RBFOX1: variants seen among roughly 807,000 people sequenced by gnomAD.
RBFOX1 encodes RNA binding protein fox-1 homolog 1.
RBFOX1 carries 8 observed loss-of-function variants against 57.7 expected under a neutral mutation model. That is an observed-to-expected ratio of 0.14 (90% CI 0.08 to 0.25). The LOEUF (loss-of-function observed/expected upper bound fraction) is 0.25, where lower values mean the gene tolerates loss of function less well. Ranked by LOEUF, RBFOX1 falls within the 10% of genes least tolerant of loss-of-function variation. The probability of loss-of-function intolerance (pLI) is 1.00; values close to 1 mark genes in which losing one functional copy is unlikely to be tolerated. For missense variants in RBFOX1, 611 were observed against 548.5 expected (o/e 1.11, Z -1.14); for synonymous variants, 326 against 222.4 (o/e 1.47, Z -4.15).
At chr16:5,825,534 A>G (rs1011692405) in intron 3 of RBFOX1, among the ~76,000 whole-genome samples, 5 of 152,226 alleles carry the variant, frequency 3.3e-5, no homozygotes, top group African/African-American at 1.2e-4. Flanking sequence ...AAATTATAGC[A>G]TCTTTTCTCA....
At chr16:7,603,793 G>A (rs1012974328) in intron 9 of RBFOX1, among the ~76,000 whole-genome samples, 1 of 152,176 alleles carries the variant, frequency 6.6e-6, no homozygotes, top group Non-Finnish European at 1.5e-5. Context: ...AGTGTGTGCT[G>A]ATTGACTAAG....
At chr16:6,159,201 C>T (rs12448114) in intron 1 of RBFOX1, among the ~76,000 whole-genome samples, 5 of 152,128 alleles carry the variant, frequency 3.3e-5, no homozygotes, top group African/African-American at 7.2e-5. Flanking sequence ...CTCGGCCTCC[C>T]GAGTAGATGG....
chr16:6,322,105 T>C (rs2081876486), intron 2 of RBFOX1, among the ~76,000 whole-genome samples: 1 of 152,174 alleles, frequency 6.6e-6, no homozygotes, highest in Non-Finnish European at 1.5e-5. Flanking sequence ...TAAGTGAGTG[T>C]TTTATCTGTA....
At chr16:6,254,411 A>G (rs540576421) in intron 1 of RBFOX1, among the ~76,000 whole-genome samples, 186 of 152,334 alleles carry the variant, frequency 1.2e-3, no homozygotes, top group Non-Finnish European at 1.9e-3. Flanking sequence ...AGCTTTCTGG[A>G]TAATTAAAAG....
At chr16:7,349,336 C>T (rs1172645799) in intron 4 of RBFOX1, among the ~76,000 whole-genome samples, 2 of 152,144 alleles carry the variant, frequency 1.3e-5, no homozygotes, top group Non-Finnish European at 2.9e-5. Context: ...GGCGCAAGAT[C>T]GGTTTTCAAT....
At chr16:7,467,208 TA>T (rs1190058197) in intron 4 of RBFOX1, among the ~76,000 whole-genome samples, 1 of 152,142 alleles carries the variant, frequency 6.6e-6, no homozygotes, top group Non-Finnish European at 1.5e-5. Flanking sequence ...AATTCTGAGT[TA>T]AGCATAATGA....
chr16:7,376,249 C>T (rs1347911805), intron 4 of RBFOX1, among the ~76,000 whole-genome samples: 5 of 152,154 alleles, frequency 3.3e-5, no homozygotes, highest in Non-Finnish European at 5.9e-5. Flanking sequence ...ATAAACAGGG[C>T]ATTATATTGC....
chr16:6,721,613 G>A (rs2066006525), intron 3 of RBFOX1, among the ~76,000 whole-genome samples: 1 of 152,018 alleles, frequency 6.6e-6, no homozygotes, highest in African/African-American at 2.4e-5. Context: ...TCCAGCTCCT[G>A]GCAACCACCA....
intron 2 of RBFOX1, among the ~76,000 whole-genome samples, chr16:5,585,796 G>C (rs116780654): frequency 6.6e-6 from 1 of 152,204 alleles, no homozygotes; most frequent in Non-Finnish European, 1.5e-5. Context: ...CAGATCCTTG[G>C]TCTTCACTGC....
At chr16:5,780,532 A>G (rs752786332) in intron 3 of RBFOX1, among the ~76,000 whole-genome samples, 16 of 152,176 alleles carry the variant, frequency 1.1e-4, no homozygotes, top group Non-Finnish European at 2.2e-4. Flanking sequence ...GTATTTGTCA[A>G]TTTAAACAAT....
intron 2 of RBFOX1, among the ~76,000 whole-genome samples, chr16:6,514,545 C>G (rs914847712): frequency 6.6e-6 from 1 of 152,146 alleles, no homozygotes; most frequent in African/African-American, 2.4e-5. Flanking sequence ...TGTAAATGTG[C>G]TCTAGCAGTT....
intron 1 of RBFOX1, chr16:5,240,123 G>A (rs2333767): frequency 4.1e-6 from 6 of 1,455,566 alleles, no homozygotes; most frequent in African/African-American, 1.4e-5. Flanking sequence ...ACGCGGGCGC[G>A]GGGGTCCGGG....
chr16:6,850,762 A>T (rs1008042315), intron 3 of RBFOX1, among the ~76,000 whole-genome samples: 9 of 152,232 alleles, frequency 5.9e-5, no homozygotes, highest in African/African-American at 1.4e-4. Context: ...AGATCACTCA[A>T]ATATTGCTGG....
In RBFOX1 at chr16:6,074,105, C is replaced by T. The variant is rs112742593; in HGVS notation, c.-127+54113C>T. ...CTGGGACTATAGGCGCCCGCCACCA[C>T]GCCTGGCTAATTTTTTGTAGTTTTA... On this transcript the variant is annotated intron_variant, in intron 1 of 15. Transcript: ENST00000550418. Among the ~76,000 whole-genome samples, 291 of 152,204 alleles carry T rather than the reference C, an allele frequency of 1.9e-3. 1 individual carries two copies. The highest frequency in any genetic ancestry group is 6.4e-3 in the African/African-American group (267 of 41,538).
intron 3 of RBFOX1, among the ~76,000 whole-genome samples, chr16:5,640,685 C>T (rs895877045): frequency 3.3e-5 from 5 of 151,762 alleles, no homozygotes; most frequent in African/African-American, 7.3e-5. Context: ...CACACAAGCA[C>T]ACCATGGATA....
chr16:7,700,841 G>A (rs1254954660), intron 14 of RBFOX1, among the ~76,000 whole-genome samples: 2 of 152,170 alleles, frequency 1.3e-5, no homozygotes, highest in Admixed American at 6.5e-5. Flanking sequence ...AGAATAGGAA[G>A]AGGTTTTGAA....
At chr16:5,541,143 C>T (rs1034189820) in intron 2 of RBFOX1, among the ~76,000 whole-genome samples, 1 of 152,078 alleles carries the variant, frequency 6.6e-6, no homozygotes, top group Non-Finnish European at 1.5e-5. Flanking sequence ...AGCCTCCATG[C>T]CTGGCCTGAA....
At chr16:7,410,704 CA>C (rs536164800) in intron 4 of RBFOX1, among the ~76,000 whole-genome samples, 127 of 151,960 alleles carry the variant, frequency 8.4e-4, no homozygotes, top group South Asian at 3.8e-3. Flanking sequence ...AACAAAAAAA[CA>C]AACTGAGGTC....
At chr16:6,356,412 T>C (rs1004682881) in intron 2 of RBFOX1, among the ~76,000 whole-genome samples, 1 of 152,200 alleles carries the variant, frequency 6.6e-6, no homozygotes, top group Non-Finnish European at 1.5e-5. Flanking sequence ...CCCTCCAGCC[T>C]GGGCAACAGA....
Sources: allele counts gnomAD v4.1 joint callset (sites outside exome capture counted in the v4.1 genomes callset), GRCh38; gene constraint gnomAD v4.1.1; transcripts MANE v1.5; gene names NCBI Gene and HGNC (gene_info 2026-07-23, HGNC 2026-07-21).